Variants in CUBN observed in about 807,000 individuals in gnomAD.
CUBN encodes the protein cubilin.
In CUBN, 282 loss-of-function variants were observed where a neutral mutation model predicts 405.3. The ratio of observed to expected loss-of-function variants is 0.70; its 90% CI spans 0.63 to 0.77. The LOEUF is 0.77. CUBN is among the 30% of genes least tolerant of loss of function. The probability of loss-of-function intolerance (pLI) is 0.00; values close to 1 mark genes in which losing one functional copy is unlikely to be tolerated. For missense variants in CUBN, 4,514 were observed against 4,475.2 expected, an observed-to-expected ratio of 1.01 and a Z score of -0.25; for synonymous variants, 1,684 against 1,617.0, an observed-to-expected ratio of 1.04 and a Z score of -0.99.
intron 31 of CUBN, among the ~76,000 whole-genome samples, chr10:16,973,004 T>A (rs1185414795): frequency 6.6e-6 from 1 of 152,202 alleles, no homozygotes; most frequent in African/African-American, 2.4e-5. Context: ...CACTGTAGAA[T>A]ACAGCTCTGA....
At chr10:16,892,012 C>G (rs368368129) in intron 54 of CUBN, among the ~76,000 whole-genome samples, 1 of 152,166 alleles carries the variant, frequency 6.6e-6, no homozygotes, top group African/African-American at 2.4e-5. Flanking sequence ...TACCAAATTA[C>G]TCATTCCAAA....
rs186954422 is a variant in CUBN at position 17,013,717 on chromosome 10, T to A, written c.4168+6116A>T. Among the ~76,000 whole-genome samples, 175 of 152,360 alleles carry A rather than the reference T, an allele frequency of 1.1e-3. 2 individuals are homozygous for A. The highest frequency in any genetic ancestry group is 2.4e-3 in the Admixed American group (36 of 15,308). On this transcript the variant is annotated intron_variant, in intron 28 of 66. Coordinates refer to ENST00000377833, the MANE Select transcript of CUBN (RefSeq NM_001081.4). ...TGTATACACATTTATTCTTTTTCCC[T>A]TTCCCAGTTCTAAGGCTCGAGTAAG...
intron 64 of CUBN, among the ~76,000 whole-genome samples, chr10:16,831,817 A>G (rs11254235): frequency 0.035 from 5,263 of 151,468 alleles, 123 homozygotes; most frequent in Non-Finnish European, 0.051. Flanking sequence ...CCAGTCAACT[A>G]TTACACCTTT....
At chr10:16,921,583 A>G (rs1042806108) in intron 43 of CUBN, among the ~76,000 whole-genome samples, 14 of 152,154 alleles carry the variant, frequency 9.2e-5, no homozygotes, top group Admixed American at 8.5e-4. Flanking sequence ...AGTTGATCAC[A>G]CTGTTCTTCT....
chr10:17,118,484 C>T (rs533367809), intron 6 of CUBN, among the ~76,000 whole-genome samples: 1 of 152,122 alleles, frequency 6.6e-6, no homozygotes, highest in Non-Finnish European at 1.5e-5. Flanking sequence ...TGTGCCCAGG[C>T]GGAGTGCAGT....
At chr10:17,032,799 C>G (rs942974881) in intron 27 of CUBN, among the ~76,000 whole-genome samples, 1 of 152,152 alleles carries the variant, frequency 6.6e-6, no homozygotes, top group Non-Finnish European at 1.5e-5. Flanking sequence ...ATTAATCAGA[C>G]TTCTGGGCAA....
rs1330714957 is a variant in CUBN, at chr10:17,093,597, A to G, written c.1766-5252T>C. ...ACCCAACCCTTCTGAGAGGAAGATA[A>G]TATAATCCAGAACCCCTGCAACATA... On this transcript the variant is annotated intron_variant, in intron 14 of 66. Coordinates refer to ENST00000377833, the MANE Select transcript of CUBN (RefSeq NM_001081.4). Among the ~76,000 whole-genome samples the G allele has an allele frequency of 3.3e-5, 5 of 152,224 alleles. No homozygotes were observed. In the East Asian group the frequency reaches 9.7e-4, roughly 30 times the overall value.
chr10:16,977,409 G>A (rs1020150704), intron 31 of CUBN, among the ~76,000 whole-genome samples: 4 of 152,174 alleles, frequency 2.6e-5, no homozygotes, highest in African/African-American at 9.6e-5. Flanking sequence ...GAGAAAGAGA[G>A]AAGAGAAGGA....
rs752528712 is a variant in CUBN at position 17,071,811 on chromosome 10, TTA to T, written c.2446+14_2446+15del. ...ATCAGGCAAATTAGACATTTAAAAA[TTA>T]TATGTTTCCTTACCGACTTGATAAA... On this transcript the variant is annotated intron_variant, in intron 18 of 66. Transcript: ENST00000377833. 345 of 1,609,706 alleles carry T rather than the reference TTA, an allele frequency of 2.1e-4. 2 individuals carry two copies. The highest frequency in any genetic ancestry group is 2.8e-4 in the Non-Finnish European group (332 of 1,178,702).
intron 30 of CUBN, 78 bp from the exon 31 acceptor site, chr10:16,982,731 T>C: frequency 7.8e-7 from 1 of 1,276,348 alleles, no homozygotes; most frequent in Non-Finnish European, 1.1e-6. Context: ...GTTGTATAGA[T>C]CAATACATTA....
intron 59 of CUBN, among the ~76,000 whole-genome samples, 157 bp from the exon 60 acceptor site, chr10:16,851,600 CTCTTT>C (rs1371106916): frequency 6.6e-6 from 1 of 151,838 alleles, no homozygotes; most frequent in African/African-American, 2.4e-5. Context: ...TCCTCCCTCC[CTCTTT>C]TCTTTTCTTT....
At chr10:17,092,026 C>A (rs577271598) in intron 14 of CUBN, among the ~76,000 whole-genome samples, 1 of 152,304 alleles carries the variant, frequency 6.6e-6, no homozygotes, top group African/African-American at 2.4e-5. Context: ...CAAGAACCCT[C>A]TCTTGGGGTC....
intron 31 of CUBN, among the ~76,000 whole-genome samples, chr10:16,961,825 C>T (rs1425267564): frequency 6.6e-6 from 1 of 150,538 alleles, no homozygotes; most frequent in Non-Finnish European, 1.5e-5. Flanking sequence ...CATTCTCCTG[C>T]CTCAGCCTCC....
intron 22 of CUBN, among the ~76,000 whole-genome samples, chr10:17,053,507 G>A (rs774931724): frequency 7.9e-5 from 12 of 151,926 alleles, no homozygotes; most frequent in Non-Finnish European, 1.5e-4. Context: ...TGACAAAGGG[G>A]ACAATTTATC....
intron 38 of CUBN, among the ~76,000 whole-genome samples, chr10:16,938,415 C>T (rs1269616403): frequency 1.3e-5 from 2 of 152,076 alleles, no homozygotes; most frequent in Admixed American, 6.6e-5. Context: ...TTATAAAATA[C>T]TCTACCAAAC....
intron 56 of CUBN, among the ~76,000 whole-genome samples, chr10:16,887,031 G>A (rs920170646): frequency 6.6e-6 from 1 of 152,172 alleles, no homozygotes; most frequent in Non-Finnish European, 1.5e-5. Flanking sequence ...CAGGTGATCT[G>A]CCCACCTTGG....
intron 31 of CUBN, among the ~76,000 whole-genome samples, chr10:16,971,639 C>A (rs1215505779): frequency 1.3e-5 from 2 of 152,056 alleles, no homozygotes; most frequent in African/African-American, 2.4e-5. Context: ...TTGTGCCAAG[C>A]CATGGGTTTC....
intron 40 of CUBN, among the ~76,000 whole-genome samples, chr10:16,930,670 T>G (rs977412048): frequency 1.3e-5 from 2 of 152,204 alleles, no homozygotes; most frequent in Non-Finnish European, 1.5e-5. Context: ...TGGAAGAAAC[T>G]GATTCATTTT....
intron 56 of CUBN, among the ~76,000 whole-genome samples, chr10:16,879,212 G>T (rs1489349281): frequency 6.6e-6 from 1 of 152,170 alleles, no homozygotes; most frequent in Admixed American, 6.5e-5. Flanking sequence ...TGCTCTGCAG[G>T]GATGCCAACA....
Sources: allele counts gnomAD v4.1 joint callset (sites outside exome capture counted in the v4.1 genomes callset), GRCh38; gene constraint gnomAD v4.1.1; transcripts MANE v1.5; gene names NCBI Gene and HGNC (gene_info 2026-07-23, HGNC 2026-07-21).